The following FRMD4A variants were observed in gnomAD, a reference collection of about 807,000 sequenced individuals.
FRMD4A encodes the protein FERM domain-containing protein 4A.
In FRMD4A, 29 loss-of-function variants were observed where a neutral mutation model predicts 129.1. The ratio of observed to expected loss-of-function variants is 0.22; its 90% confidence interval spans 0.17 to 0.31. The LOEUF (loss-of-function observed/expected upper bound fraction) is 0.31, where lower values mean the gene tolerates loss of function less well. Among genes scored for constraint, FRMD4A ranks in the 10% least tolerant of loss-of-function variants. The pLI, the probability that FRMD4A is intolerant of heterozygous loss-of-function variation, is 1.00. For synonymous variants in FRMD4A, 634 were observed against 571.6 expected (o/e 1.11, Z -1.56); for missense variants, 1,272 against 1,375.8 (o/e 0.92, Z 1.19).
At chr10:13,680,463 C>T (rs1196473385) in intron 15 of FRMD4A, among the ~76,000 whole-genome samples, 1 of 151,984 alleles carries the variant, frequency 6.6e-6, no homozygotes, top group Non-Finnish European at 1.5e-5. Context: ...TGTCGTGGCT[C>T]ATGCCTATAA....
intron 2 of FRMD4A, among the ~76,000 whole-genome samples, chr10:13,973,767 C>CAGGG (rs1284552833): frequency 1.3e-5 from 2 of 149,162 alleles, no homozygotes; most frequent in Non-Finnish European, 3.0e-5. Flanking sequence ...AGGAGGAAGG[C>CAGGG]AGGGAGGGAG....
At chr10:14,234,700 T>G (rs182938022) in intron 2 of FRMD4A, among the ~76,000 whole-genome samples, 53 of 151,638 alleles carry the variant, frequency 3.5e-4, no homozygotes, top group African/African-American at 1.3e-3. Flanking sequence ...CAGCGTAAGC[T>G]CGATGCTAAA....
At chr10:14,232,899 T>C (rs1257694437) in intron 2 of FRMD4A, among the ~76,000 whole-genome samples, 1 of 152,186 alleles carries the variant, frequency 6.6e-6, no homozygotes, top group Non-Finnish European at 1.5e-5. Context: ...TCTCTTCCTA[T>C]TTGGTCTTTT....
intron 2 of FRMD4A, among the ~76,000 whole-genome samples, chr10:14,008,896 A>G (rs771496668): frequency 1.4e-4 from 21 of 152,258 alleles, no homozygotes; most frequent in Non-Finnish European, 3.1e-4. Context: ...CAGTCCACAG[A>G]GAGAAAGTAT....
At chr10:14,097,611 T>G (rs1252143091) in intron 2 of FRMD4A, among the ~76,000 whole-genome samples, 1 of 152,108 alleles carries the variant, frequency 6.6e-6, no homozygotes, top group African/African-American at 2.4e-5. Context: ...TTAGTGCTCT[T>G]AATTATTATA....
chr10:14,080,432 T>C (rs1484379430), intron 2 of FRMD4A, among the ~76,000 whole-genome samples: 1 of 151,916 alleles, frequency 6.6e-6, no homozygotes, highest in African/African-American at 2.4e-5. Flanking sequence ...CCACCTGCCA[T>C]AATGAGAACC....
intron 3 of FRMD4A, among the ~76,000 whole-genome samples, chr10:13,817,748 C>T (rs569143518): frequency 2.6e-5 from 4 of 152,184 alleles, no homozygotes; most frequent in African/African-American, 9.7e-5. Context: ...GTTCACTAAA[C>T]CTCTTTCCTT....
At chr10:13,851,440 G>T (rs1344169332) in intron 3 of FRMD4A, among the ~76,000 whole-genome samples, 4 of 152,296 alleles carry the variant, frequency 2.6e-5, no homozygotes, top group South Asian at 4.1e-4. Flanking sequence ...CTGCACAGCA[G>T]GAGATGAGCA....
rs1241265485 is a variant in FRMD4A, at chr10:13,762,621, T to C, written c.441+3A>G. 31 of 1,566,446 alleles carry C rather than the reference T, an allele frequency of 2.0e-5. No individual in the cohort carries two copies. The Admixed American group carries it at 4.2e-4, about 21-fold the overall frequency. On this transcript the variant is annotated splice_donor_region_variant and intron_variant, in intron 7 of 24. Coordinates refer to ENST00000357447, the MANE Select transcript of FRMD4A (RefSeq NM_018027.5). ...CATAAAGAGGAGGAGAAAAACAACT[T>C]ACCTGTAAAATATAGGAAGCTAATT...
intron 2 of FRMD4A, among the ~76,000 whole-genome samples, chr10:13,916,946 G>C (rs2095015009): frequency 6.6e-6 from 1 of 152,316 alleles, no homozygotes; most frequent in South Asian, 2.1e-4. Flanking sequence ...AAAGCTTTGT[G>C]TGAGAGAAAT....
intron 2 of FRMD4A, among the ~76,000 whole-genome samples, chr10:13,952,146 CT>C (rs34700755): frequency 0.38 from 57,015 of 150,032 alleles, 13,860 homozygotes; most frequent in East Asian, 0.8. Flanking sequence ...TTTTTATACT[CT>C]TTTTTCTGAT....
intron 3 of FRMD4A, among the ~76,000 whole-genome samples, chr10:13,828,213 A>G (rs570272005): frequency 6.6e-5 from 10 of 152,316 alleles, no homozygotes; most frequent in African/African-American, 2.4e-4. Context: ...CAGTTTTGCT[A>G]CATGGATATA....
chr10:14,120,891 G>A (rs749164062), intron 2 of FRMD4A, among the ~76,000 whole-genome samples: 3 of 152,212 alleles, frequency 2.0e-5, no homozygotes, highest in Non-Finnish European at 4.4e-5. Context: ...GCACTGAGGT[G>A]TGGGCATCTT....
chr10:13,827,263 A>G (rs964600989), intron 3 of FRMD4A, among the ~76,000 whole-genome samples: 1 of 152,164 alleles, frequency 6.6e-6, no homozygotes, highest in Non-Finnish European at 1.5e-5. Flanking sequence ...TGGCTTCAAC[A>G]CAGTTTCAGA....
intron 2 of FRMD4A, among the ~76,000 whole-genome samples, chr10:13,952,486 G>A (rs1460795396): frequency 1.3e-5 from 2 of 151,948 alleles, no homozygotes; most frequent in African/African-American, 4.8e-5. Flanking sequence ...AGGTGACAGA[G>A]CGAGACCCTG....
intron 12 of FRMD4A, among the ~76,000 whole-genome samples, chr10:13,714,033 T>TAAAAA (rs375356403): frequency 8.2e-5 from 2 of 24,246 alleles, no homozygotes; most frequent in African/African-American, 3.3e-4. Flanking sequence ...TATACATATA[T>TAAAAA]ATATATATAT....
intron 2 of FRMD4A, among the ~76,000 whole-genome samples, chr10:14,129,389 TATATATATATATATATATAA>T (rs1317349557): frequency 0.01 from 1,321 of 131,280 alleles, 48 homozygotes; most frequent in African/African-American, 0.038. Flanking sequence ...TATATATATA[TATATATATATATATATATAA>T]AAAATATGAG....
At chr10:14,276,190 G>C (rs1486098959) in intron 2 of FRMD4A, among the ~76,000 whole-genome samples, 1 of 152,172 alleles carries the variant, frequency 6.6e-6, no homozygotes, top group Admixed American at 6.5e-5. Context: ...CAACTTGCAA[G>C]GTCCCTTTTC....
chr10:13,814,749 A>G (rs1016218721), intron 3 of FRMD4A, among the ~76,000 whole-genome samples: 3 of 152,182 alleles, frequency 2.0e-5, no homozygotes, highest in Non-Finnish European at 4.4e-5. Flanking sequence ...TCAGAGATAC[A>G]TAAGTTTGCC....
Sources: gnomAD v4.1 joint callset for allele counts (sites outside exome capture counted in the v4.1 genomes callset) on GRCh38, gnomAD v4.1.1 for gene constraint, MANE v1.5 for transcripts, NCBI Gene and HGNC (gene_info 2026-07-23, HGNC 2026-07-21) for gene names.